The following ATAD2 variants were observed in gnomAD, a reference collection of about 807,000 sequenced individuals.
ATAD2 encodes the protein ATPase family AAA domain containing 2.
In ATAD2, 62 loss-of-function variants were observed where a neutral mutation model predicts 168.9. The ratio of observed to expected loss-of-function variants is 0.37; its 90% CI spans 0.30 to 0.45. ATAD2 has a LOEUF of 0.45. ATAD2 is among the 20% of genes least tolerant of loss of function. The pLI, the probability that ATAD2 is intolerant of heterozygous loss-of-function variation, is 1.00. For missense variants in ATAD2, 1,419 were observed against 1,667.8 expected (o/e 0.85, Z 2.60); for synonymous variants, 613 against 571.6 (o/e 1.07, Z -1.03).
intron 12 of ATAD2, 108 bp from the exon 13 acceptor site, chr8:123,356,585 T>G (rs895733495): frequency 1.6e-6 from 1 of 644,446 alleles, no homozygotes; most frequent in African/African-American, 1.9e-5. Context: ...TAACAGAATT[T>G]ATAAAGCTGA....
chr8:123,413,230 C>G lies in ATAD2; in HGVS notation c.-2282+3018G>C, dbSNP rs866892976. Among the ~76,000 whole-genome samples the G allele has an allele frequency of 4.5e-4, 67 of 149,312 alleles. 1 individual carries two copies. Among genetic ancestry groups the G allele is most frequent in the Non-Finnish European group, 6.1e-4 (41 of 66,932 alleles). On this transcript the variant is annotated intron_variant, in intron 1 of 28. Transcript: ENST00000521903. Reference sequence around the variant, plus strand: ...TTCCCTGGCTCTAATGAGCGCCCCCCCCCCCCCAACTCCTCCCTGCTTCCT... The same window carrying G: ...TTCCCTGGCTCTAATGAGCGCCCCCGCCCCCCCAACTCCTCCCTGCTTCCT...
intron 1 of ATAD2, among the ~76,000 whole-genome samples, chr8:123,383,262 T>C (rs1829543826): frequency 1.3e-5 from 2 of 151,948 alleles, no homozygotes; most frequent in African/African-American, 2.4e-5. Context: ...GGTTGATGGG[T>C]GCAGCAAACC....
intron 1 of ATAD2, among the ~76,000 whole-genome samples, chr8:123,390,590 A>G (rs1422965576): frequency 6.6e-6 from 1 of 152,194 alleles, no homozygotes; most frequent in Admixed American, 6.5e-5. Context: ...AGTTTTTAAA[A>G]TCTCCTGTAT....
At chr8:123,379,860 G>A (rs890278070) in intron 2 of ATAD2, among the ~76,000 whole-genome samples, 8 of 148,614 alleles carry the variant, frequency 5.4e-5, no homozygotes, top group African/African-American at 1.7e-4. Flanking sequence ...GAGCCATTGC[G>A]CCCGGCCACG....
chr8:123,411,140 G>A (rs192015119), intron 1 of ATAD2, among the ~76,000 whole-genome samples: 1 of 152,198 alleles, frequency 6.6e-6, no homozygotes, highest in African/African-American at 2.4e-5. Context: ...AGGACCCCTG[G>A]TAACATTTTG....
intron 27 of ATAD2, 132 bp from the exon 28 acceptor site, chr8:123,321,307 C>T (rs1827462146): frequency 1.3e-6 from 1 of 769,950 alleles, no homozygotes; most frequent in African/African-American, 1.8e-5. Context: ...TGAAAATAAA[C>T]ATTCAGTTCA....
upstream of ATAD2, among the ~76,000 whole-genome samples, chr8:123,398,248 T>C (rs1300343438): frequency 6.8e-6 from 1 of 147,560 alleles, no homozygotes; most frequent in South Asian, 2.1e-4. Flanking sequence ...TTTTTTTTTT[T>C]GAGACAGAAT....
At chr8:123,399,419 A>T (rs1400045903), upstream of ATAD2, among the ~76,000 whole-genome samples, 2 of 152,212 alleles carry the variant, frequency 1.3e-5, no homozygotes, top group African/African-American at 4.8e-5. Context: ...TGGAGCTTAC[A>T]TTCTAAGAGG....
chr8:123,333,004 G>A (rs773512567), intron 24 of ATAD2, among the ~76,000 whole-genome samples: 15 of 151,578 alleles, frequency 9.9e-5, no homozygotes, highest in Non-Finnish European at 1.6e-4. Context: ...TCAATTACCC[G>A]AGGATGGACA....
intron 11 of ATAD2, among the ~76,000 whole-genome samples, chr8:123,358,339 C>T (rs947382435): frequency 1.3e-5 from 2 of 152,036 alleles, no homozygotes; most frequent in African/African-American, 2.4e-5. Context: ...AGCCACCATG[C>T]CTGGCACTTT....
At chr8:123,398,537 A>T (rs965024340), upstream of ATAD2, among the ~76,000 whole-genome samples, 3 of 151,920 alleles carry the variant, frequency 2.0e-5, no homozygotes, top group African/African-American at 7.3e-5. Flanking sequence ...AGGAAGACAG[A>T]TTATTGTTCT....
At chr8:123,325,384 G>A (rs773976243) in intron 26 of ATAD2, among the ~76,000 whole-genome samples, 13 of 151,862 alleles carry the variant, frequency 8.6e-5, no homozygotes, top group East Asian at 3.8e-4. Context: ...CTGGGTTCAC[G>A]CCATTCTCCT....
chr8:123,329,499 A>T (rs1827712498), intron 24 of ATAD2, among the ~76,000 whole-genome samples: 1 of 152,046 alleles, frequency 6.6e-6, no homozygotes, highest in African/African-American at 2.4e-5. Flanking sequence ...GCGGTGGCTC[A>T]CGCCTGTAGT....
intron 1 of ATAD2, among the ~76,000 whole-genome samples, chr8:123,394,638 G>GA (rs1046479381): frequency 1.1e-3 from 165 of 145,996 alleles, no homozygotes; most frequent in African/African-American, 3.7e-3. Flanking sequence ...CTGTCTCGAA[G>GA]AAAAAAAAAA....
In ATAD2 at chr8:123,369,133, G is replaced by A; in HGVS notation, c.974C>T (p.Pro325Leu). Residue 325 changes from proline to leucine, a missense_variant, in exon 8 of 28, where the codon CCA becomes CTA. Pro to Leu is a moderately conservative substitution (Grantham distance 98, BLOSUM62 -3). Coordinates refer to ENST00000287394, the MANE Select transcript of ATAD2 (RefSeq NM_014109.4). ...GTATCTTGGTCTTGCAGGAGAAGCT[G>A]GGCCACTATAAAATATGTTGGGCTT... ...QRKPNIFYSG[P>L]ASPARPRYRL... 6.3e-7 allele frequency: 1 copy of A among 1,590,470 alleles called. No homozygotes were observed. Among genetic ancestry groups the A allele is most frequent in the South Asian group, 1.1e-5 (1 of 87,912 alleles).
At chr8:123,325,351 C>T (rs953617728) in intron 26 of ATAD2, among the ~76,000 whole-genome samples, 29 of 151,556 alleles carry the variant, frequency 1.9e-4, no homozygotes, top group African/African-American at 5.3e-4. Flanking sequence ...GGCACAACCT[C>T]GGCTCACTGC....
In ATAD2 at chr8:123,336,481, T is replaced by C. The variant is rs1013490454; in HGVS notation, c.3103A>G (p.Ile1035Val). Reference protein sequence around the residue: ...IKQPMDLSSVISKIDLHKYLT... With the variant: ...IKQPMDLSSVVSKIDLHKYLT... ...TACTTGTGTAGATCAATTTTACTGA[T>C]TACAGATGAAAGGTCCATTGGTTGC... Residue 1035 changes from isoleucine to valine, a missense_variant, in exon 22 of 28, where the codon ATC becomes GTC. Around this residue, in one of 5 missense-constraint regions of ATAD2, gnomAD observed 545 missense variants for 724.9 expected, o/e 0.75. Transcript: ENST00000287394. The C allele has an allele frequency of 2.6e-6, 4 of 1,545,794 alleles. No individual in the cohort carries two copies. In the African/African-American group the frequency reaches 5.9e-5, roughly 23 times the overall value.
At chr8:123,323,828 C>T (rs1424623155) in intron 26 of ATAD2, among the ~76,000 whole-genome samples, 1 of 151,948 alleles carries the variant, frequency 6.6e-6, no homozygotes, top group Non-Finnish European at 1.5e-5. Flanking sequence ...TTATTGCATG[C>T]CTAATGGATA....
chr8:123,390,344 C>G (rs561320337), intron 1 of ATAD2, among the ~76,000 whole-genome samples: 23 of 151,986 alleles, frequency 1.5e-4, no homozygotes, highest in Non-Finnish European at 2.8e-4. Context: ...ATAATCCATC[C>G]GAAACACTGT....
Sources: allele counts gnomAD v4.1 joint callset (sites outside exome capture counted in the v4.1 genomes callset), GRCh38; gene constraint gnomAD v4.1.1; regional missense constraint gnomAD v4.1.1; transcripts MANE v1.5; gene names NCBI Gene and HGNC (gene_info 2026-07-23, HGNC 2026-07-21).